Variants in C2orf49 observed in about 807,000 individuals in gnomAD.
C2orf49 encodes the protein tRNA splicing ligase complex subunit 2, also known as tRNA-splicing ligase complex subunit ASW.
C2orf49 carries 11 observed loss-of-function variants against 20.6 expected under a neutral mutation model. The ratio of observed to expected loss-of-function variants is 0.53; its 90% CI spans 0.34 to 0.88. The LOEUF (loss-of-function observed/expected upper bound fraction) is 0.88, where lower values mean the gene tolerates loss of function less well. Ranked by LOEUF, C2orf49 falls within the 40% of genes least tolerant of loss-of-function variation. The probability of loss-of-function intolerance (pLI) is 0.02; values close to 1 mark genes in which losing one functional copy is unlikely to be tolerated. For synonymous variants in C2orf49, 134 were observed against 108.5 expected (o/e 1.24, Z -1.46); for missense variants, 289 against 274.2 (o/e 1.05, Z -0.38).
At chr2:105,341,818 G>T (rs1400770145) in intron 2 of C2orf49, among the ~76,000 whole-genome samples, 1 of 152,188 alleles carries the variant, frequency 6.6e-6, no homozygotes, top group South Asian at 2.1e-4. Context: ...ACTTTGAGTG[G>T]CAGGGCTAAA....
At chr2:105,344,401 A>G (rs1030246944) in intron 3 of C2orf49, among the ~76,000 whole-genome samples, 7 of 152,190 alleles carry the variant, frequency 4.6e-5, no homozygotes, top group African/African-American at 1.7e-4. Flanking sequence ...CTTAAACAGC[A>G]TTTCTCTACC....
rs1392652373 is a variant in C2orf49, at chr2:105,343,190, G to A, written c.609G>A (p.Lys203=). ...TTGGAACTACTCCAGTGAAGTTAAA[G>A]AGAGCTGCTCCTAAAGAAGAGGCAG... ...SPVGTTPVKL[K]RAAPKEEAEA... Residue 203 remains lysine (K), a synonymous_variant, in exon 3 of 4, where the codon AAG becomes AAA. Transcript: ENST00000258457. The A allele has an allele frequency of 6.2e-7, 1 of 1,609,094 alleles. No individual in the cohort carries two copies. Among genetic ancestry groups the A allele is most frequent in the Non-Finnish European group, 8.5e-7 (1 of 1,178,114 alleles).
chr2:105,355,067 G>A, the C2orf49 span, among the ~76,000 whole-genome samples: 1 of 152,328 alleles, frequency 6.6e-6, no homozygotes, highest in Middle Eastern at 3.4e-3. Context: ...TGTAATGTAA[G>A]GGAGAGAGAA....
At chr2:105,342,104 A>G (rs1679686094) in intron 2 of C2orf49, among the ~76,000 whole-genome samples, 1 of 152,222 alleles carries the variant, frequency 6.6e-6, no homozygotes, top group Admixed American at 6.5e-5. Flanking sequence ...CCTGGGAGGC[A>G]GAGGTTGCAG....
At chr2:105,377,851 C>T in the C2orf49 span, 1 of 354,158 alleles carries the variant, frequency 2.8e-6, no homozygotes, top group South Asian at 2.2e-5. Context: ...AGATCCTTGG[C>T]CTCTCTCTGG....
At chr2:105,373,980 G>GT in the C2orf49 span, 4 of 531,728 alleles carry the variant, frequency 7.5e-6, no homozygotes, top group African/African-American at 7.6e-5. Flanking sequence ...ATGTCTGTGT[G>GT]TGAGAGATGC....
At chr2:105,364,073 A>G in the C2orf49 span, among the ~76,000 whole-genome samples, 5 of 152,132 alleles carry the variant, frequency 3.3e-5, no homozygotes, top group Non-Finnish European at 7.4e-5. Flanking sequence ...CCTGGCCAAC[A>G]TGGCGAAACC....
chr2:105,349,231 T>C (rs1020123815), downstream of C2orf49: 18 of 152,214 alleles, frequency 1.2e-4, no homozygotes, highest in African/African-American at 3.6e-4. Flanking sequence ...CTTTCTACTT[T>C]GTCTTTTGTT....
rs1679870724 is a variant in C2orf49, at chr2:105,348,571, CTA to C, written c.*3202_*3203del. ...ATATATATATATGTAAGAGCTTCCT[CTA>C]TTTACTACTGTTGAACTTCAGTAAT... On this transcript the variant is annotated 3_prime_UTR_variant, in exon 4 of 4. Transcript: ENST00000258457. 6.8e-6 allele frequency: 1 copy of C among 147,150 alleles called. No homozygotes were observed. Among genetic ancestry groups the C allele is most frequent in the Non-Finnish European group, 1.5e-5 (1 of 67,132 alleles). The allele number at this position is 147,150 out of a possible 1,614,324, so 9.1% of individuals were successfully genotyped here.
the C2orf49 span, among the ~76,000 whole-genome samples, chr2:105,367,280 C>T: frequency 6.6e-6 from 1 of 152,150 alleles, no homozygotes; most frequent in East Asian, 1.9e-4. Flanking sequence ...TGGTGGCTCC[C>T]CTTCCCTCTA....
the C2orf49 span, among the ~76,000 whole-genome samples, chr2:105,379,144 C>G: frequency 6.6e-6 from 1 of 152,188 alleles, no homozygotes; most frequent in Admixed American, 6.5e-5. Flanking sequence ...CCCTATGCCA[C>G]GTACATCACC....
chr2:105,366,468 G>A, the C2orf49 span, among the ~76,000 whole-genome samples: 1,816 of 152,316 alleles, frequency 0.012, 43 homozygotes, highest in African/African-American at 0.042. Context: ...CACAGCTGGC[G>A]CTGCCCAGGG....
downstream of C2orf49, among the ~76,000 whole-genome samples, chr2:105,350,434 A>T (rs183079722): frequency 3.3e-5 from 5 of 152,368 alleles, no homozygotes; most frequent in East Asian, 9.6e-4. Context: ...ACCAATTGGA[A>T]GCTGTTTGTT....
At chr2:105,383,969 A>G in the C2orf49 span, among the ~76,000 whole-genome samples, 1 of 152,250 alleles carries the variant, frequency 6.6e-6, no homozygotes, top group Non-Finnish European at 1.5e-5. Flanking sequence ...GCTTGACAGC[A>G]GCCTTGATGA....
chr2:105,377,849 G>GGTC, the C2orf49 span: 6 of 354,104 alleles, frequency 1.7e-5, no homozygotes, highest in East Asian at 7.5e-5. Context: ...GGAGATCCTT[G>GGTC]GCCTCTCTCT....
chr2:105,367,804 C>G, the C2orf49 span: 2 of 1,522,974 alleles, frequency 1.3e-6, no homozygotes, highest in East Asian at 2.3e-5. Context: ...TCCCAGCAAT[C>G]TGCCTTCAGA....
chr2:105,384,227 A>G, the C2orf49 span, among the ~76,000 whole-genome samples: 1 of 152,174 alleles, frequency 6.6e-6, no homozygotes, highest in African/African-American at 2.4e-5. Flanking sequence ...TTTTCCAGCT[A>G]AAGCTTTTAT....
At chr2:105,344,414 A>G (rs572256272) in intron 3 of C2orf49, among the ~76,000 whole-genome samples, 2 of 152,164 alleles carry the variant, frequency 1.3e-5, no homozygotes, top group African/African-American at 2.4e-5. Flanking sequence ...TCTCTACCCT[A>G]CAAAATTTTA....
At chr2:105,361,478 T>G in the C2orf49 span, 2 of 1,560,438 alleles carry the variant, frequency 1.3e-6, no homozygotes, top group Non-Finnish European at 1.8e-6. Flanking sequence ...AAAGTTAGAA[T>G]CAGGCAACTG....
Sources: gnomAD v4.1 joint callset for allele counts (sites outside exome capture counted in the v4.1 genomes callset) on GRCh38, gnomAD v4.1.1 for gene constraint, MANE v1.5 for transcripts, NCBI Gene and HGNC (gene_info 2026-07-23, HGNC 2026-07-21) for gene names.